Variants in ELOVL7 observed in about 807,000 individuals in gnomAD.
ELOVL7 encodes the protein ELOVL fatty acid elongase 7.
A neutral mutation model predicts 35.7 loss-of-function variants in ELOVL7; 27 were observed. The observed-to-expected ratio is 0.76, with a 90% CI of 0.56 to 1.04. ELOVL7 has a LOEUF of 1.04. Among genes scored for constraint, ELOVL7 ranks in the 50% least tolerant of loss-of-function variants. ELOVL7 has a pLI of 0.00. For missense variants in ELOVL7, 327 were observed against 340.8 expected (o/e 0.96, Z 0.32); for synonymous variants, 113 against 114.6 (o/e 0.99, Z 0.09).
rs1741392723 is a variant in ELOVL7, at chr5:60,754,130, G to T, written c.*494C>A. On this transcript the variant is annotated 3_prime_UTR_variant, in exon 9 of 9. Coordinates refer to ENST00000508821, the MANE Select transcript of ELOVL7 (RefSeq NM_024930.3). The stretch of plus-strand genomic sequence containing the variant: ...CACCTGTGCTAGCTTGCTAAAATGG[G>T]AGTTAACTCTAGAGCAAATATAGTA... 2 of 153,592 alleles carry T rather than the reference G, an allele frequency of 1.3e-5. No individual in the cohort carries two copies. Among genetic ancestry groups the T allele is most frequent in the African/African-American group, 4.8e-5 (2 of 41,426 alleles). The allele number at this position is 153,592 out of a possible 1,614,324, so 9.5% of individuals were successfully genotyped here.
At chr5:60,783,823 T>C (rs1376821989) in intron 3 of ELOVL7, among the ~76,000 whole-genome samples, 1 of 152,164 alleles carries the variant, frequency 6.6e-6, no homozygotes, top group Admixed American at 6.5e-5. Context: ...TTACATAAGT[T>C]GAAAAAGTTA....
intron 3 of ELOVL7, among the ~76,000 whole-genome samples, chr5:60,783,021 A>G (rs1174344215): frequency 6.6e-6 from 1 of 152,238 alleles, no homozygotes; most frequent in African/African-American, 2.4e-5. Context: ...TACATATATC[A>G]CAACATCACT....
At chr5:60,761,495 T>C (rs1197821103) in intron 7 of ELOVL7, among the ~76,000 whole-genome samples, 1 of 152,184 alleles carries the variant, frequency 6.6e-6, no homozygotes, top group Non-Finnish European at 1.5e-5. Context: ...CTTTTGTTGC[T>C]GTGCTTGTCA....
At chr5:60,807,992 CAAAAAAAAAAAAAAAAAAA>C (rs34086506) in intron 1 of ELOVL7, among the ~76,000 whole-genome samples, 1 of 42,412 alleles carries the variant, frequency 2.4e-5, no homozygotes, top group Admixed American at 4.8e-4. Context: ...GACTCCGTCT[CAAAAAAAAAAAAAAAAAAA>C]AAAAAAAAAA....
chr5:60,768,982 A>G (rs1300043550), intron 4 of ELOVL7, among the ~76,000 whole-genome samples: 1 of 152,228 alleles, frequency 6.6e-6, no homozygotes, highest in Non-Finnish European at 1.5e-5. Context: ...TGTAAAGAAA[A>G]GAAACAAAGG....
chr5:60,809,201 C>T (rs1395564399), intron 1 of ELOVL7, among the ~76,000 whole-genome samples: 1 of 152,110 alleles, frequency 6.6e-6, no homozygotes, highest in East Asian at 1.9e-4. Context: ...AAGATGACAA[C>T]TGGTATTGGT....
chr5:60,780,318 C>T (rs1410411561), intron 3 of ELOVL7, among the ~76,000 whole-genome samples: 1 of 151,986 alleles, frequency 6.6e-6, no homozygotes, highest in Non-Finnish European at 1.5e-5. Context: ...TGGGGTTTCT[C>T]TATGTTGGTC....
intron 1 of ELOVL7, among the ~76,000 whole-genome samples, chr5:60,808,772 A>G (rs1467091206): frequency 1.3e-5 from 2 of 152,226 alleles, no homozygotes; most frequent in Non-Finnish European, 2.9e-5. Flanking sequence ...TATCCATTCA[A>G]TGAATTACTA....
chr5:60,759,702 T>C (rs922485042), intron 7 of ELOVL7, among the ~76,000 whole-genome samples: 2 of 152,010 alleles, frequency 1.3e-5, no homozygotes, highest in Non-Finnish European at 2.9e-5. Context: ...GTTAGTTACA[T>C]ATGTATACAT....
chr5:60,801,409 A>C lies in ELOVL7; in HGVS notation c.-85-2179T>G, dbSNP rs187095632. The stretch of plus-strand genomic sequence containing the variant: ...GCCAATAGGGTCTTACAACTAGAAA[A>C]CCCTAAAGAGTACCAGGTGTGGTGG... On this transcript the variant is annotated intron_variant, in intron 1 of 8. Coordinates refer to ENST00000508821, the MANE Select transcript of ELOVL7 (RefSeq NM_024930.3). Among the ~76,000 whole-genome samples, 35 of 152,070 alleles carry C rather than the reference A, an allele frequency of 2.3e-4. 1 individual carries two copies. The highest frequency in any genetic ancestry group is 8.2e-4 in the African/African-American group (34 of 41,476).
At chr5:60,822,471 T>A (rs1745944850) in intron 1 of ELOVL7, among the ~76,000 whole-genome samples, 1 of 152,174 alleles carries the variant, frequency 6.6e-6, no homozygotes, top group South Asian at 2.1e-4. Flanking sequence ...CGAGTGGGGT[T>A]TAATTCCATC....
At chr5:60,756,505 A>G (rs1741548452) in intron 8 of ELOVL7, among the ~76,000 whole-genome samples, 1 of 152,204 alleles carries the variant, frequency 6.6e-6, no homozygotes. Context: ...AGTATTTCAA[A>G]GTATGAATTA....
chr5:60,767,620 A>G (rs1287730697), intron 5 of ELOVL7, among the ~76,000 whole-genome samples: 2 of 152,224 alleles, frequency 1.3e-5, no homozygotes, highest in Non-Finnish European at 2.9e-5. Flanking sequence ...GAAATTAAAA[A>G]AGAAAAGCAC....
intron 2 of ELOVL7, among the ~76,000 whole-genome samples, chr5:60,793,505 G>A (rs1744065270): frequency 6.6e-6 from 1 of 152,068 alleles, no homozygotes; most frequent in South Asian, 2.1e-4. Flanking sequence ...ACAGAGCCCT[G>A]GAAACATTAA....
chr5:60,767,341 G>A (rs1742305326), intron 5 of ELOVL7, among the ~76,000 whole-genome samples: 2 of 152,046 alleles, frequency 1.3e-5, no homozygotes, highest in South Asian at 4.1e-4. Flanking sequence ...CAATCCACCC[G>A]CCTCAGCCTC....
rs73759425 is a variant in ELOVL7 at position 60,823,246 on chromosome 5, T to C, written c.-86+20914A>G. Among the ~76,000 whole-genome samples the C allele has an allele frequency of 1.2e-3, 180 of 151,820 alleles. No homozygotes were observed. The Middle Eastern group carries it at 0.017, about 14-fold the overall frequency. On this transcript the variant is annotated intron_variant, in intron 1 of 8. Transcript: ENST00000508821. Reference sequence around the variant, plus strand: ...CATTCTCCCTCCACTGGAGCAAGGGTGATACCTCCTCCGAGAAGGAAAACG... The same window carrying C: ...CATTCTCCCTCCACTGGAGCAAGGGCGATACCTCCTCCGAGAAGGAAAACG...
chr5:60,825,533 ATGT>A (rs1159624452), intron 1 of ELOVL7, among the ~76,000 whole-genome samples: 1 of 152,120 alleles, frequency 6.6e-6, no homozygotes, highest in African/African-American at 2.4e-5. Flanking sequence ...AGGGGCAGGG[ATGT>A]TCTTCTGTTT....
chr5:60,773,424 G>C (rs116326816), intron 3 of ELOVL7, among the ~76,000 whole-genome samples: 1 of 152,224 alleles, frequency 6.6e-6, no homozygotes, highest in African/African-American at 2.4e-5. Context: ...TCTTCAGTAG[G>C]ACTCTATGAC....
intron 2 of ELOVL7, among the ~76,000 whole-genome samples, chr5:60,794,871 C>T (rs1221960262): frequency 6.6e-6 from 1 of 152,122 alleles, no homozygotes; most frequent in East Asian, 1.9e-4. Flanking sequence ...AGGGATGGAG[C>T]TCTGTGGTGG....
Sources: gnomAD v4.1 joint callset for allele counts (sites outside exome capture counted in the v4.1 genomes callset) on GRCh38, gnomAD v4.1.1 for gene constraint, MANE v1.5 for transcripts, NCBI Gene and HGNC (gene_info 2026-07-23, HGNC 2026-07-21) for gene names.